Variants in CTNNA3 observed in about 807,000 individuals in gnomAD.
CTNNA3 encodes catenin alpha 3.
In CTNNA3, 76 loss-of-function variants were observed where a neutral mutation model predicts 95.7. The observed-to-expected ratio is 0.79, with a 90% CI of 0.66 to 0.96. The LOEUF is 0.96. Among genes scored for constraint, CTNNA3 ranks in the 40% least tolerant of loss-of-function variants. CTNNA3 has a pLI of 0.00. For synonymous variants in CTNNA3, 431 were observed against 374.4 expected, an observed-to-expected ratio of 1.15 and a Z score of -1.74; for missense variants, 1,191 against 1,089.8, an observed-to-expected ratio of 1.09 and a Z score of -1.31.
intron 11 of CTNNA3, among the ~76,000 whole-genome samples, chr10:66,514,326 G>A (rs1277593947): frequency 1.3e-5 from 2 of 152,022 alleles, no homozygotes. Context: ...AGATTCTACA[G>A]CAACTTAGGG....
intron 6 of CTNNA3, among the ~76,000 whole-genome samples, chr10:67,182,435 G>A (rs533475003): frequency 6.6e-6 from 1 of 152,184 alleles, no homozygotes; most frequent in East Asian, 1.9e-4. Context: ...CAAGCAATGG[G>A]GAAAGGATTC....
intron 4 of CTNNA3, among the ~76,000 whole-genome samples, chr10:67,538,871 G>A (rs1236723117): frequency 6.6e-6 from 1 of 152,128 alleles, no homozygotes; most frequent in East Asian, 1.9e-4. Context: ...TCTGAAAACA[G>A]GCTTTAATAA....
chr10:67,372,776 T>C (rs1184606306), intron 5 of CTNNA3, among the ~76,000 whole-genome samples: 1 of 152,154 alleles, frequency 6.6e-6, no homozygotes, highest in Non-Finnish European at 1.5e-5. Flanking sequence ...ACAGCAGATC[T>C]CTCGGCAGAA....
In CTNNA3 at chr10:66,166,652, C is replaced by T. The variant is rs531854565; in HGVS notation, c.1885-63403G>A. Among the ~76,000 whole-genome samples the T allele has an allele frequency of 2.3e-3, 357 of 152,086 alleles. 1 individual carries two copies. Among genetic ancestry groups the T allele is most frequent in the Non-Finnish European group, 3.3e-3 (222 of 67,984 alleles). The stretch of plus-strand genomic sequence containing the variant: ...CTCTATGTGGTACATAACATATTTT[C>T]GAAGTTTGCATCTCATGTGACAATG... On this transcript the variant is annotated intron_variant, in intron 13 of 17. Coordinates refer to ENST00000433211, the MANE Select transcript of CTNNA3 (RefSeq NM_013266.4).
At chr10:67,641,068 A>G (rs1007254983) in intron 2 of CTNNA3, among the ~76,000 whole-genome samples, 2 of 152,240 alleles carry the variant, frequency 1.3e-5, no homozygotes, top group African/African-American at 4.8e-5. Context: ...GTGAATAGGC[A>G]ACCTACAGAA....
intron 7 of CTNNA3, among the ~76,000 whole-genome samples, chr10:67,145,847 T>A (rs145791517): frequency 6.6e-6 from 1 of 152,242 alleles, no homozygotes; most frequent in South Asian, 2.1e-4. Flanking sequence ...GCTAGATGTT[T>A]AGTCAGCAAA....
At chr10:65,993,511 CT>C (rs1369737928) in intron 15 of CTNNA3, among the ~76,000 whole-genome samples, 1 of 152,108 alleles carries the variant, frequency 6.6e-6, no homozygotes, top group African/African-American at 2.4e-5. Context: ...TTCATTGTCT[CT>C]TTTTTACTGT....
At chr10:67,726,079 T>C (rs1308789591) in intron 1 of CTNNA3, among the ~76,000 whole-genome samples, 1 of 122,132 alleles carries the variant, frequency 8.2e-6, no homozygotes, top group Non-Finnish European at 1.6e-5. Context: ...TATATTTAAA[T>C]TATATATTAT....
intron 1 of CTNNA3, among the ~76,000 whole-genome samples, chr10:67,674,382 T>C (rs77991105): frequency 0.018 from 2,803 of 152,234 alleles, 91 homozygotes; most frequent in African/African-American, 0.064. Flanking sequence ...CTTGGACTTA[T>C]AGCCTCCAGA....
intron 13 of CTNNA3, among the ~76,000 whole-genome samples, chr10:66,215,073 CTT>C (rs2088434886): frequency 6.6e-6 from 1 of 151,992 alleles, no homozygotes; most frequent in Admixed American, 6.6e-5. Context: ...AAAAGGAAGA[CTT>C]GATTTCAGTC....
chr10:66,190,619 T>A (rs1398728319), intron 13 of CTNNA3, among the ~76,000 whole-genome samples: 1 of 152,090 alleles, frequency 6.6e-6, no homozygotes, highest in East Asian at 1.9e-4. Flanking sequence ...GTCAGCAAAA[T>A]GTGAGTTTGA....
chr10:67,377,180 G>A (rs1843724706), intron 5 of CTNNA3, among the ~76,000 whole-genome samples: 3 of 152,312 alleles, frequency 2.0e-5, no homozygotes, highest in South Asian at 2.1e-4. Context: ...CACAGTAGAT[G>A]TAATATATTC....
chr10:67,647,660 CA>C (rs886447946), intron 1 of CTNNA3, 142 bp from the exon 2 acceptor site: 2 of 590,576 alleles, frequency 3.4e-6, no homozygotes, highest in African/African-American at 3.7e-5. Context: ...GACCAGGCTA[CA>C]AAATCTACCT....
rs150338945 is a variant in CTNNA3, at chr10:65,915,492, C to G, written c.*4838G>C. 3 of 152,124 alleles carry G rather than the reference C, an allele frequency of 2.0e-5. No homozygotes were observed. The highest frequency in any genetic ancestry group is 7.2e-5 in the African/African-American group (3 of 41,434). 9.4% of individuals were successfully genotyped at this position (152,124 alleles called of 1,614,324 possible). On this transcript the variant is annotated 3_prime_UTR_variant, in exon 18 of 18. Coordinates refer to ENST00000433211, the MANE Select transcript of CTNNA3 (RefSeq NM_013266.4). ...TATTTGTTGTGCCTTTAGACTACTC[C>G]GTATCGTCTCCATTTTTCTCCAACT... is the stretch of plus-strand genomic sequence containing the variant.
intron 5 of CTNNA3, among the ~76,000 whole-genome samples, chr10:67,262,139 A>G (rs989797538): frequency 7.2e-5 from 11 of 152,176 alleles, no homozygotes; most frequent in Non-Finnish European, 1.6e-4. Context: ...GGAAAAGAGA[A>G]AGAGAGAAGA....
At chr10:66,238,238 G>A (rs867667359) in intron 13 of CTNNA3, among the ~76,000 whole-genome samples, 9 of 151,998 alleles carry the variant, frequency 5.9e-5, no homozygotes, top group Middle Eastern at 6.8e-3. Context: ...GGGGAGAGGG[G>A]TACATCAGGT....
rs149597760 is a variant in CTNNA3 at position 66,654,206 on chromosome 10, T to C, written c.1282-32422A>G. 6.3e-3 allele frequency among the ~76,000 whole-genome samples: 958 copies of C among 152,048 alleles called. 16 individuals carry two copies. The highest frequency in any genetic ancestry group is 0.021 in the African/African-American group (879 of 41,514). ...GGAAGAAAATATTGTAAACCATATA[T>C]CTGATAAGGAGTTAATACCAAAAAT... On this transcript the variant is annotated intron_variant, in intron 9 of 17. Transcript: ENST00000433211.
At chr10:67,262,460 GA>G (rs2132394468) in intron 5 of CTNNA3, among the ~76,000 whole-genome samples, 1 of 152,242 alleles carries the variant, frequency 6.6e-6, no homozygotes, top group African/African-American at 2.4e-5. Flanking sequence ...TAGTGACCAT[GA>G]GATTCCCCAA....
chr10:67,569,226 A>G (rs973612739), intron 3 of CTNNA3, among the ~76,000 whole-genome samples: 2 of 152,142 alleles, frequency 1.3e-5, no homozygotes, highest in Non-Finnish European at 2.9e-5. Flanking sequence ...AGTGCATTTG[A>G]TATTTTCAGC....
Sources: allele counts gnomAD v4.1 joint callset (sites outside exome capture counted in the v4.1 genomes callset), GRCh38; gene constraint gnomAD v4.1.1; transcripts MANE v1.5; gene names NCBI Gene and HGNC (gene_info 2026-07-23, HGNC 2026-07-21).